ACSL4: variants seen among roughly 807,000 people sequenced by gnomAD.
ACSL4 encodes long-chain-fatty-acid--CoA ligase 4.
Under a neutral mutation model 49.1 loss-of-function variants are expected in ACSL4, and 9 were observed. The observed-to-expected ratio is 0.18, with a 90% CI of 0.11 to 0.32. The LOEUF (loss-of-function observed/expected upper bound fraction) is 0.32, where lower values mean the gene tolerates loss of function less well. ACSL4 is among the 10% of genes least tolerant of loss of function. ACSL4 has a pLI of 1.00. For synonymous variants in ACSL4, 191 were observed against 170.3 expected (o/e 1.12, Z -0.95); for missense variants, 333 against 493.7 (o/e 0.67, Z 3.08).
chrX:109,648,413 A>C (rs1346541246), intron 15 of ACSL4, among the ~76,000 whole-genome samples: 2 of 111,931 alleles, frequency 1.8e-5, no homozygotes, highest in African/African-American at 6.5e-5. Flanking sequence ...AACAGAACCA[A>C]AGACAAAAAC....
intron 2 of ACSL4, among the ~76,000 whole-genome samples, chrX:109,688,785 A>C (rs1340116471): frequency 1.8e-5 from 2 of 109,055 alleles, no homozygotes; most frequent in African/African-American, 6.7e-5. Context: ...CATATTCTTC[A>C]GGTTTTCTTC....
intron 15 of ACSL4, 43 bp downstream of exon 15, chrX:109,659,311 A>G (rs765152419): frequency 2.6e-6 from 3 of 1,151,082 alleles, no homozygotes; most frequent in Admixed American, 4.4e-5. Flanking sequence ...ACATCATTAG[A>G]TGACTTTTAG....
rs1934503289 is a variant in ACSL4, at chrX:109,643,330, T to A, written c.*699A>T. ...TCAAATAATTACAGTTATTTTTAGA[T>A]CTCAAAGTTTCAAAAAAAGCAGCTC... On this transcript the variant is annotated 3_prime_UTR_variant, in exon 16 of 16. Transcript: ENST00000672401. 8.9e-6 allele frequency: 1 copy of A among 111,937 alleles called. No individual in the cohort carries two copies. The allele number at this position is 111,937 out of a possible 1,213,427, so 9.2% of individuals were successfully genotyped here.
rs147231360 is a variant in ACSL4 at position 109,676,889 on chromosome X, C to T, written c.930+1099G>A. ...TATCTTTGCTGCCTAATATGGTAGCCGTTGGTCACACGTAGCTATTGAGAG... is the reference window on the plus strand; with the variant it reads ...TATCTTTGCTGCCTAATATGGTAGCTGTTGGTCACACGTAGCTATTGAGAG... On this transcript the variant is annotated intron_variant, in intron 8 of 15. Transcript: ENST00000672401. 5.6e-3 allele frequency among the ~76,000 whole-genome samples: 630 copies of T among 111,685 alleles called. 6 individuals carry two copies. The highest frequency in any genetic ancestry group is 0.018 in the African/African-American group (543 of 30,767).
At chrX:109,692,605 C>G (rs1213307345) in intron 2 of ACSL4, among the ~76,000 whole-genome samples, 3 of 111,890 alleles carry the variant, frequency 2.7e-5, no homozygotes, top group African/African-American at 9.7e-5. Flanking sequence ...AGAAGGGCAG[C>G]AGACAGCACA....
At chrX:109,660,963 A>G (rs1367168132) in intron 14 of ACSL4, among the ~76,000 whole-genome samples, 1 of 111,151 alleles carries the variant, frequency 9.0e-6, no homozygotes, top group Non-Finnish European at 1.9e-5. Flanking sequence ...TAATGGGTAT[A>G]GAGTTTCCAT....
At chrX:109,697,951 C>T (rs1338273140) in intron 1 of ACSL4, among the ~76,000 whole-genome samples, 1 of 110,685 alleles carries the variant, frequency 9.0e-6, no homozygotes, top group African/African-American at 3.3e-5. Flanking sequence ...ACAAAACTAT[C>T]CGCTAGTTTG....
At chrX:109,683,669 G>A (rs1924363507) in intron 2 of ACSL4, 1 of 421,907 alleles carries the variant, frequency 2.4e-6, no homozygotes, top group Non-Finnish European at 4.1e-6. Context: ...AAGTACGCCT[G>A]TAGGTGATGA....
intron 6 of ACSL4, among the ~76,000 whole-genome samples, chrX:109,680,471 C>T (rs1253836239): frequency 8.9e-6 from 1 of 112,029 alleles, no homozygotes; most frequent in Non-Finnish European, 1.9e-5. Context: ...TATTAATTTC[C>T]TCAACTCTCT....
chrX:109,688,470 C>T (rs1465420900), intron 2 of ACSL4, among the ~76,000 whole-genome samples: 2 of 111,958 alleles, frequency 1.8e-5, no homozygotes, highest in African/African-American at 6.5e-5. Context: ...ACATTCCCTC[C>T]TTTGCATCTT....
intron 15 of ACSL4, among the ~76,000 whole-genome samples, chrX:109,655,379 T>C (rs777672537): frequency 1.8e-5 from 2 of 111,097 alleles, no homozygotes; most frequent in Admixed American, 9.6e-5. Flanking sequence ...AGGAACAAGC[T>C]CTTGAAAATT....
chrX:109,661,807 T>C (rs1467916414), intron 13 of ACSL4, among the ~76,000 whole-genome samples, 162 bp from the exon 14 acceptor site: 1 of 111,353 alleles, frequency 9.0e-6, no homozygotes, highest in Non-Finnish European at 1.9e-5. Flanking sequence ...CCATTACTTT[T>C]AAAATGGCAA....
rs569103156 is a variant in ACSL4 at position 109,681,394 on chromosome X, C to G, written c.407-19G>C. On this transcript the variant is annotated intron_variant, in intron 4 of 15. Coordinates refer to ENST00000672401, the MANE Select transcript of ACSL4 (RefSeq NM_001318510.2). ...GTCACAACTACATAATAAAAATAAA[C>G]ACAAATATTAAGTAATAAACATCTA... 32 of 1,066,110 alleles carry G rather than the reference C, an allele frequency of 3.0e-5. No homozygotes were observed. The East Asian group carries it at 6.9e-4, about 23-fold the overall frequency. The allele number at this position is 1,066,110 out of a possible 1,213,427, so 87.9% of individuals were successfully genotyped here.
rs752734651 is a variant in ACSL4, at chrX:109,713,254, G to A, written c.-65-17058C>T. On this transcript the variant is annotated intron_variant, in intron 1 of 15. Transcript: ENST00000672401. ...GAGGACCATCAGGCTCTCTTGCAGA[G>A]CTTAGGTGAAAACTCAGAAGTCTAT... 2.7e-5 allele frequency among the ~76,000 whole-genome samples: 3 copies of A among 111,941 alleles called. No homozygotes were observed. The East Asian group carries it at 8.5e-4, about 32-fold the overall frequency.
intron 1 of ACSL4, among the ~76,000 whole-genome samples, chrX:109,708,682 T>C (rs1431215339): frequency 8.9e-6 from 1 of 112,201 alleles, no homozygotes; most frequent in Non-Finnish European, 1.9e-5. Flanking sequence ...AAAAATTGAC[T>C]GGTACAAGCT....
At chrX:109,715,460 G>A (rs1927054799) in intron 1 of ACSL4, among the ~76,000 whole-genome samples, 2 of 109,847 alleles carry the variant, frequency 1.8e-5, no homozygotes, top group South Asian at 3.9e-4. Flanking sequence ...TCAAGAAGGC[G>A]AAACCCTGTC....
chrX:109,648,443 A>G (rs1934842535), intron 15 of ACSL4, among the ~76,000 whole-genome samples: 1 of 111,690 alleles, frequency 9.0e-6, no homozygotes, highest in African/African-American at 3.3e-5. Flanking sequence ...ATCTCAATAG[A>G]TGCAGAAAAG....
At chrX:109,701,548 CTTT>C (rs751217404) in intron 1 of ACSL4, among the ~76,000 whole-genome samples, 1 of 82,517 alleles carries the variant, frequency 1.2e-5, no homozygotes. Context: ...TCTTCTTTTT[CTTT>C]TTTTTTTTTT....
intron 1 of ACSL4, among the ~76,000 whole-genome samples, chrX:109,728,575 T>C (rs1928184545): frequency 8.9e-6 from 1 of 112,510 alleles, no homozygotes; most frequent in Admixed American, 9.4e-5. Context: ...GCCATTTTAA[T>C]ATAGTGAGAG....
Sources: allele counts gnomAD v4.1 joint callset (sites outside exome capture counted in the v4.1 genomes callset), GRCh38; gene constraint gnomAD v4.1.1; transcripts MANE v1.5; gene names NCBI Gene and HGNC (gene_info 2026-07-23, HGNC 2026-07-21).